Variants in TANGO6 observed in about 807,000 individuals in gnomAD.
The protein encoded by TANGO6 is transport and Golgi organization protein 6 homolog.
Under a neutral mutation model 114.2 loss-of-function variants are expected in TANGO6, and 90 were observed. That is an observed-to-expected ratio of 0.79 (90% CI 0.66 to 0.94). TANGO6 has a LOEUF of 0.94. Ranked by LOEUF, TANGO6 falls within the 40% of genes least tolerant of loss-of-function variation. The pLI, the probability that TANGO6 is intolerant of heterozygous loss-of-function variation, is 0.00. For synonymous variants in TANGO6, 477 were observed against 509.8 expected (o/e 0.94, Z 0.87); for missense variants, 1,274 against 1,315.3 (o/e 0.97, Z 0.49).
At chr16:68,885,390 T>C (rs1962526561) in intron 7 of TANGO6, among the ~76,000 whole-genome samples, 1 of 152,214 alleles carries the variant, frequency 6.6e-6, no homozygotes, top group Admixed American at 6.5e-5. Context: ...GTCAGTCTAA[T>C]TTTAGAATAT....
intron 17 of TANGO6, among the ~76,000 whole-genome samples, chr16:69,069,587 C>A (rs756988252): frequency 1.1e-4 from 17 of 152,146 alleles, no homozygotes; most frequent in Non-Finnish European, 2.2e-4. Flanking sequence ...CAGTTCACCT[C>A]TTTCCCCTGT....
At chr16:68,875,740 G>C (rs1482837783) in intron 5 of TANGO6, among the ~76,000 whole-genome samples, 2 of 150,180 alleles carry the variant, frequency 1.3e-5, no homozygotes, top group Non-Finnish European at 2.9e-5. Flanking sequence ...TTACACTCCA[G>C]CCTGGGCAAC....
intron 6 of TANGO6, among the ~76,000 whole-genome samples, chr16:68,879,670 G>A (rs1962426044): frequency 6.7e-6 from 1 of 148,518 alleles, no homozygotes; most frequent in Non-Finnish European, 1.5e-5. Flanking sequence ...AGGCTGGAGT[G>A]CAGTGGCATG....
At chr16:68,991,583 G>T (rs148903662) in intron 15 of TANGO6, among the ~76,000 whole-genome samples, 69 of 152,300 alleles carry the variant, frequency 4.5e-4, no homozygotes, top group Middle Eastern at 6.8e-3. Flanking sequence ...AGAGGTTGCA[G>T]TGAGCCAAGA....
At chr16:68,916,823 C>T (rs1963012666) in intron 11 of TANGO6, among the ~76,000 whole-genome samples, 1 of 152,106 alleles carries the variant, frequency 6.6e-6, no homozygotes, top group Non-Finnish European at 1.5e-5. Context: ...CTTACACTCC[C>T]TGCACTCACA....
chr16:68,988,424 A>G (rs758583739), intron 15 of TANGO6, among the ~76,000 whole-genome samples: 13 of 152,130 alleles, frequency 8.5e-5, no homozygotes, highest in Non-Finnish European at 1.8e-4. Context: ...AGATCTCTCA[A>G]GTTTGGAGTC....
At chr16:68,969,905 C>T (rs939822023) in intron 14 of TANGO6, among the ~76,000 whole-genome samples, 4 of 152,168 alleles carry the variant, frequency 2.6e-5, no homozygotes, top group Non-Finnish European at 4.4e-5. Flanking sequence ...CAGGCTGGCT[C>T]TCCCTCTGTG....
At chr16:68,865,044 G>A (rs1162894916) in intron 3 of TANGO6, among the ~76,000 whole-genome samples, 2 of 152,016 alleles carry the variant, frequency 1.3e-5, no homozygotes, top group Non-Finnish European at 2.9e-5. Flanking sequence ...TTGGGAGGCC[G>A]AGGCGGGTGG....
chr16:69,075,578 C>T (rs533530709), intron 17 of TANGO6, among the ~76,000 whole-genome samples: 18 of 151,658 alleles, frequency 1.2e-4, no homozygotes, highest in African/African-American at 2.4e-4. Flanking sequence ...CTCAGCCTCC[C>T]GAGTAGCTGG....
intron 14 of TANGO6, among the ~76,000 whole-genome samples, chr16:68,938,590 C>T (rs577929761): frequency 6.6e-6 from 1 of 151,992 alleles, no homozygotes; most frequent in East Asian, 1.9e-4. Context: ...TTCACATTTT[C>T]CCCTTTTGAT....
chr16:68,964,450 T>C (rs1425552842), intron 14 of TANGO6, among the ~76,000 whole-genome samples: 1 of 152,144 alleles, frequency 6.6e-6, no homozygotes, highest in Non-Finnish European at 1.5e-5. Flanking sequence ...TGAGTGTATA[T>C]TTCCCCTTTG....
chr16:69,053,143 G>A (rs1008450875), intron 17 of TANGO6, among the ~76,000 whole-genome samples: 7 of 152,016 alleles, frequency 4.6e-5, no homozygotes, highest in Non-Finnish European at 2.9e-5. Flanking sequence ...TTATAGAGTT[G>A]TTATAAGAAT....
At chr16:69,030,520 G>A (rs1361530682) in intron 16 of TANGO6, among the ~76,000 whole-genome samples, 3 of 152,050 alleles carry the variant, frequency 2.0e-5, no homozygotes, top group African/African-American at 2.4e-5. Context: ...AAATGCTGGA[G>A]TAAAGGGGTG....
intron 4 of TANGO6, among the ~76,000 whole-genome samples, chr16:68,873,116 A>G (rs1158780135): frequency 6.8e-6 from 1 of 146,904 alleles, no homozygotes; most frequent in Non-Finnish European, 1.5e-5. Flanking sequence ...CCCTCCCCCC[A>G]TGTCCCCCCA....
intron 4 of TANGO6, chr16:68,868,042 G>A (rs552491956): frequency 3.9e-4 from 59 of 151,540 alleles, no homozygotes; most frequent in African/African-American, 1.4e-3. Flanking sequence ...TACTTGGGAG[G>A]CTAAGGCAGG....
rs991696429 is a variant in TANGO6, at chr16:68,927,944, C to A, written c.2504C>A (p.Thr835Asn). 1.9e-6 allele frequency: 3 copies of A among 1,613,758 alleles called. No individual in the cohort carries two copies. The highest frequency in any genetic ancestry group is 2.5e-6 in the Non-Finnish European group (3 of 1,179,874). The change falls in exon 13 of 18, where the codon ACC (threonine) becomes AAC (asparagine). Residue 835 changes from threonine to asparagine, a missense_variant. Around this residue, in one of 5 missense-constraint regions of TANGO6, gnomAD observed 908 missense variants for 910.2 expected, o/e 1.00. Coordinates refer to ENST00000261778, the MANE Select transcript of TANGO6 (RefSeq NM_024562.2). ...TTTSQKSGSV[T>N]TEQLQEVLLS... ...ACAAGTCAGAAATCTGGAAGCGTAACCACAGAACAGCTCCAAGAGGTTCTT... is the reference window on the plus strand; with the variant it reads ...ACAAGTCAGAAATCTGGAAGCGTAAACACAGAACAGCTCCAAGAGGTTCTT...
chr16:68,843,720 A>G lies in TANGO6; in HGVS notation c.94+9A>G, dbSNP rs1307507335. The G allele has an allele frequency of 3.7e-6, 6 of 1,612,658 alleles. No homozygotes were observed. Among genetic ancestry groups the G allele is most frequent in the African/African-American group, 2.7e-5 (2 of 74,870 alleles). On this transcript the variant is annotated intron_variant, in intron 1 of 17. Transcript: ENST00000261778. ...GCTGCTGAGCCCGGGAGGTGAGAGG[A>G]CGCATCTCCGCGCCGGGCTGGACCC...
chr16:69,061,654 G>T (rs184894890), intron 17 of TANGO6, among the ~76,000 whole-genome samples: 2 of 152,256 alleles, frequency 1.3e-5, no homozygotes, highest in Admixed American at 1.3e-4. Context: ...CTGGGCAGAG[G>T]TTTTTGCCAT....
intron 14 of TANGO6, among the ~76,000 whole-genome samples, chr16:68,942,674 G>A (rs938881610): frequency 1.4e-4 from 21 of 152,090 alleles, no homozygotes; most frequent in Admixed American, 2.0e-4. Flanking sequence ...AGGCCATTAA[G>A]ATAAACACTT....
Sources: allele counts gnomAD v4.1 joint callset (sites outside exome capture counted in the v4.1 genomes callset), GRCh38; gene constraint gnomAD v4.1.1; regional missense constraint gnomAD v4.1.1; transcripts MANE v1.5; gene names NCBI Gene and HGNC (gene_info 2026-07-23, HGNC 2026-07-21).